Variants in ATXN1 observed in about 807,000 individuals in gnomAD.
ATXN1 encodes ataxin-1.
In ATXN1, 8 loss-of-function variants were observed where a neutral mutation model predicts 56.4. The observed-to-expected ratio is 0.14, with a 90% CI of 0.08 to 0.26. ATXN1 has a LOEUF of 0.26. Ranked by LOEUF, ATXN1 falls within the 10% of genes least tolerant of loss-of-function variation. The probability of loss-of-function intolerance (pLI) is 1.00; values close to 1 mark genes in which losing one functional copy is unlikely to be tolerated. For synonymous variants in ATXN1, 514 were observed against 494.6 expected (o/e 1.04, Z -0.52); for missense variants, 987 against 1,106.5 (o/e 0.89, Z 1.53).
intron 2 of ATXN1, among the ~76,000 whole-genome samples, chr6:16,715,946 G>A (rs1759630902): frequency 6.6e-6 from 1 of 152,120 alleles, no homozygotes; most frequent in African/African-American, 2.4e-5. Context: ...CTCAAGCCTA[G>A]AGGACCACAG....
chr6:16,553,483 T>G (rs1041318293), intron 4 of ATXN1, among the ~76,000 whole-genome samples: 2 of 152,200 alleles, frequency 1.3e-5, no homozygotes, highest in Non-Finnish European at 2.9e-5. Flanking sequence ...GGTAATTGAC[T>G]AGATATGTTC....
intron 6 of ATXN1, among the ~76,000 whole-genome samples, chr6:16,373,348 G>A (rs373965694): frequency 3.3e-5 from 5 of 152,118 alleles, no homozygotes; most frequent in South Asian, 2.1e-4. Flanking sequence ...TCTGCTTCAC[G>A]GGCATATTAA....
At chr6:16,553,496 T>C (rs900110087) in intron 4 of ATXN1, among the ~76,000 whole-genome samples, 11 of 152,190 alleles carry the variant, frequency 7.2e-5, no homozygotes, top group Admixed American at 2.6e-4. Flanking sequence ...ATATGTTCTA[T>C]CCACTCTCCT....
chr6:16,383,473 T>A (rs985343729), intron 6 of ATXN1, among the ~76,000 whole-genome samples: 1 of 152,200 alleles, frequency 6.6e-6, no homozygotes, highest in Non-Finnish European at 1.5e-5. Context: ...ATGCTCAATA[T>A]ATTTATCTAT....
intron 2 of ATXN1, among the ~76,000 whole-genome samples, chr6:16,662,568 A>C (rs2113368466): frequency 6.6e-6 from 1 of 152,334 alleles, no homozygotes; most frequent in East Asian, 1.9e-4. Flanking sequence ...TCTTGACCTC[A>C]GGTGATCTGC....
intron 4 of ATXN1, among the ~76,000 whole-genome samples, chr6:16,550,155 C>CAAAAAAA (rs70999336): frequency 6.6e-5 from 6 of 91,188 alleles, no homozygotes; most frequent in African/African-American, 1.3e-4. Context: ...AAATAAAATA[C>CAAAAAAA]AAAAAAAAAA....
chr6:16,595,610 T>C (rs1034556059), intron 3 of ATXN1, among the ~76,000 whole-genome samples: 2 of 152,262 alleles, frequency 1.3e-5, no homozygotes, highest in Non-Finnish European at 2.9e-5. Context: ...CAGTGTGTTC[T>C]TTCTCCATTA....
At chr6:16,593,038 T>G (rs1274042524) in intron 3 of ATXN1, among the ~76,000 whole-genome samples, 1 of 152,162 alleles carries the variant, frequency 6.6e-6, no homozygotes, top group Non-Finnish European at 1.5e-5. Context: ...ATTTTACAAA[T>G]CTCTTGCTAG....
At chr6:16,616,555 T>C (rs866112103) in intron 3 of ATXN1, among the ~76,000 whole-genome samples, 1 of 144,932 alleles carries the variant, frequency 6.9e-6, no homozygotes, top group African/African-American at 2.5e-5. Context: ...ATATATATAA[T>C]ATATTTTATA....
At chr6:16,616,603 A>ATATATAAAATATTTTATATATT (rs559411567) in intron 3 of ATXN1, among the ~76,000 whole-genome samples, 3 of 145,820 alleles carry the variant, frequency 2.1e-5, no homozygotes, top group Non-Finnish European at 4.5e-5. Context: ...ATTATATACT[A>ATATATAAAATATTTTATATATT]TATATAAAAT....
In ATXN1 at chr6:16,743,323, G is replaced by T. The variant is rs560750730; in HGVS notation, c.-615+9910C>A. Among the ~76,000 whole-genome samples, 10 of 152,240 alleles carry T rather than the reference G, an allele frequency of 6.6e-5. No homozygotes were observed. The East Asian group carries it at 1.9e-3, about 29-fold the overall frequency. On this transcript the variant is annotated intron_variant, in intron 2 of 7. Transcript: ENST00000436367. ...GGACCTTTCTTTCTCCTTAGCACAG[G>T]CTTCTTACACATTTTTGTCACCTTT...
chr6:16,354,005 T>C (rs1044537227), intron 6 of ATXN1, among the ~76,000 whole-genome samples: 1 of 152,222 alleles, frequency 6.6e-6, no homozygotes, highest in Non-Finnish European at 1.5e-5. Flanking sequence ...AGACCTGTGC[T>C]TCTTAACCTT....
chr6:16,669,667 C>CTTTTTTTT (rs11356086), intron 2 of ATXN1, among the ~76,000 whole-genome samples: 5 of 113,132 alleles, frequency 4.4e-5, no homozygotes, highest in Admixed American at 2.0e-4. Context: ...ACTGAACAAT[C>CTTTTTTTT]TTTTTTTTTT....
intron 4 of ATXN1, among the ~76,000 whole-genome samples, chr6:16,552,577 T>C (rs1043912902): frequency 6.6e-6 from 1 of 152,204 alleles, no homozygotes; most frequent in African/African-American, 2.4e-5. Context: ...AAATTAGAAG[T>C]GTAGGTGGGT....
At chr6:16,436,352 A>G (rs1319480379) in intron 6 of ATXN1, among the ~76,000 whole-genome samples, 1 of 152,176 alleles carries the variant, frequency 6.6e-6, no homozygotes, top group Non-Finnish European at 1.5e-5. Context: ...GATGCTGACA[A>G]AGACACCCCC....
intron 3 of ATXN1, among the ~76,000 whole-genome samples, chr6:16,597,067 C>G (rs565936151): frequency 2.0e-5 from 3 of 152,356 alleles, no homozygotes; most frequent in Admixed American, 6.5e-5. Flanking sequence ...ATCATGCACT[C>G]AGAGGGGAGT....
At chr6:16,663,119 T>C (rs2113369526) in intron 2 of ATXN1, among the ~76,000 whole-genome samples, 1 of 152,020 alleles carries the variant, frequency 6.6e-6, no homozygotes, top group African/African-American at 2.4e-5. Flanking sequence ...ATTACAGGCG[T>C]CCACCACCAT....
intron 2 of ATXN1, among the ~76,000 whole-genome samples, chr6:16,687,657 T>TACACACACACATACACAC (rs374530653): frequency 3.3e-4 from 47 of 143,394 alleles, no homozygotes; most frequent in African/African-American, 1.0e-3. Context: ...AAAGAAGAAA[T>TACACACACACATACACAC]ACACACACAC....
chr6:16,439,344 G>A (rs1185233024), intron 6 of ATXN1, among the ~76,000 whole-genome samples: 1 of 11,928 alleles, frequency 8.4e-5, no homozygotes, highest in Non-Finnish European at 2.1e-4. Context: ...TTCGCGGGGG[G>A]GGGGGGGGGG....
Sources: allele counts gnomAD v4.1 joint callset (sites outside exome capture counted in the v4.1 genomes callset), GRCh38; gene constraint gnomAD v4.1.1; transcripts MANE v1.5; gene names NCBI Gene and HGNC (gene_info 2026-07-23, HGNC 2026-07-21).